TSPAN9: variants seen among roughly 807,000 people sequenced by gnomAD.
TSPAN9 encodes tetraspanin-9.
Under a neutral mutation model 31.0 loss-of-function variants are expected in TSPAN9, and 16 were observed. That is an observed-to-expected ratio of 0.52 (90% confidence interval 0.35 to 0.78). The LOEUF (loss-of-function observed/expected upper bound fraction) is 0.78, where lower values mean the gene tolerates loss of function less well. TSPAN9 is among the 30% of genes least tolerant of loss of function. The pLI, the probability that TSPAN9 is intolerant of heterozygous loss-of-function variation, is 0.01. For missense variants in TSPAN9, 272 were observed against 312.5 expected, an observed-to-expected ratio of 0.87 and a Z score of 0.98; for synonymous variants, 145 against 121.6, an observed-to-expected ratio of 1.19 and a Z score of -1.27.
chr12:3,233,503 A>G (rs958234499), intron 3 of TSPAN9, among the ~76,000 whole-genome samples: 2 of 152,190 alleles, frequency 1.3e-5, no homozygotes, highest in Non-Finnish European at 2.9e-5. Context: ...CTATAGTTGC[A>G]TGTGCTTCTG....
At chr12:3,219,270 A>G (rs2098383028) in intron 3 of TSPAN9, among the ~76,000 whole-genome samples, 1 of 152,224 alleles carries the variant, frequency 6.6e-6, no homozygotes, top group South Asian at 2.1e-4. Context: ...TGACAGTGAC[A>G]TGCAACCTGC....
At chr12:3,159,430 C>T (rs918407853) in intron 2 of TSPAN9, among the ~76,000 whole-genome samples, 11 of 152,278 alleles carry the variant, frequency 7.2e-5, no homozygotes, top group African/African-American at 1.9e-4. Flanking sequence ...TTGTTACAGG[C>T]TCAATTTTGC....
chr12:3,158,632 G>T (rs2098343518), intron 2 of TSPAN9, among the ~76,000 whole-genome samples: 1 of 140,272 alleles, frequency 7.1e-6, no homozygotes, highest in Admixed American at 7.9e-5. Context: ...TGAAGCAGGA[G>T]AATTGCTTGA....
Position 3,172,491 on chromosome 12 carries a change from C to T in TSPAN9, c.-17-28686C>T, listed in dbSNP as rs999240257. The T allele has an allele frequency of 1.3e-5, 2 of 152,232 alleles. No individual in the cohort carries two copies. Among genetic ancestry groups the T allele is most frequent in the Non-Finnish European group, 2.9e-5 (2 of 68,052 alleles). 9.4% of individuals were successfully genotyped at this position (152,232 alleles called of 1,614,324 possible). A position where few individuals can be genotyped will look rare whatever the true frequency, so the allele number is the denominator to read the frequency against. On this transcript the variant is annotated intron_variant, in intron 2 of 8. Transcript: ENST00000011898. The surrounding 1 kb of genome is among the most constrained non-coding windows in gnomAD (Gnocchi z 4.8). ...CGCGAGCGGGTGCTCGTGTCACTCACCGGGGGAACTTAAACGCCGCTTGCT... is the reference window on the plus strand; with the variant it reads ...CGCGAGCGGGTGCTCGTGTCACTCATCGGGGGAACTTAAACGCCGCTTGCT...
chr12:3,170,820 T>A lies in TSPAN9; in HGVS notation c.-17-30357T>A, dbSNP rs55724351. 0.12 allele frequency among the ~76,000 whole-genome samples: 17,989 copies of A among 152,172 alleles called. 1,174 individuals carry two copies. The highest frequency in any genetic ancestry group is 0.16 in the African/African-American group (6,694 of 41,492). ...CTTCGAGGTCCACCATCACCTCGTTTTCTGCCGGGCAGGGACTCCTGGGTT... is the reference window on the plus strand; with the variant it reads ...CTTCGAGGTCCACCATCACCTCGTTATCTGCCGGGCAGGGACTCCTGGGTT... On this transcript the variant is annotated intron_variant, in intron 2 of 8. Transcript: ENST00000011898. The surrounding 1 kb of genome is among the most constrained non-coding windows in gnomAD (Gnocchi z 4.4).
intron 3 of TSPAN9, among the ~76,000 whole-genome samples, chr12:3,253,351 T>G (rs148451734): frequency 6.6e-6 from 1 of 152,136 alleles, no homozygotes; most frequent in Non-Finnish European, 1.5e-5. Flanking sequence ...TGGAGCCTGG[T>G]GCTTAAGATT....
chr12:3,264,379 A>G (rs1862505335), intron 3 of TSPAN9, among the ~76,000 whole-genome samples: 1 of 152,186 alleles, frequency 6.6e-6, no homozygotes, highest in Non-Finnish European at 1.5e-5. Context: ...GCTTATCTTA[A>G]TTTATTGATG....
intron 2 of TSPAN9, 182 bp from the exon 3 acceptor site, chr12:3,200,995 C>T: frequency 6.7e-6 from 4 of 594,214 alleles, no homozygotes; most frequent in South Asian, 2.0e-5. Flanking sequence ...CGGACTTTGC[C>T]AAGCCGTCCA....
intron 3 of TSPAN9, among the ~76,000 whole-genome samples, chr12:3,227,013 A>C (rs1180615647): frequency 1.3e-5 from 2 of 150,628 alleles, no homozygotes; most frequent in Non-Finnish European, 3.0e-5. Context: ...TACTGAGTGC[A>C]GAGAGGGAGA....
At chr12:3,125,685 C>T (rs1173409792) in intron 2 of TSPAN9, among the ~76,000 whole-genome samples, 1 of 151,862 alleles carries the variant, frequency 6.6e-6, no homozygotes, top group Non-Finnish European at 1.5e-5. Flanking sequence ...GCGACTCCTG[C>T]CTTAAATGGC....
In TSPAN9 at chr12:3,285,529, G is replaced by C. The variant is rs1862998676; in HGVS notation, c.*2413G>C. The stretch of plus-strand genomic sequence containing the variant: ...TACTCACTCTGCGCTTGGCCGTTTT[G>C]TTATTTGGCTTAGTCTACATTGGGC... On this transcript the variant is annotated 3_prime_UTR_variant, in exon 9 of 9. Transcript: ENST00000011898. 6.6e-6 allele frequency: 1 copy of C among 152,198 alleles called. No homozygotes were observed. 9.4% of individuals were successfully genotyped at this position (152,198 alleles called of 1,614,324 possible).
At chr12:3,149,563 A>G (rs2098338873) in intron 2 of TSPAN9, among the ~76,000 whole-genome samples, 1 of 152,212 alleles carries the variant, frequency 6.6e-6, no homozygotes, top group African/African-American at 2.4e-5. Flanking sequence ...TCTCAGTCCA[A>G]CAGACAACAG....
rs2098364853 is a variant in TSPAN9 at position 3,192,365 on chromosome 12, C to T, written c.-17-8812C>T. On this transcript the variant is annotated intron_variant, in intron 2 of 8. Coordinates refer to ENST00000011898, the MANE Select transcript of TSPAN9 (RefSeq NM_006675.5). The surrounding 1 kb of genome is among the most constrained non-coding windows in gnomAD (Gnocchi z 4.6). ...GAAGGCTGCAGGGGCTGCCGCAGGA[C>T]CCCAGGCGAGCCATGAAGCAGGGCT... Among the ~76,000 whole-genome samples the T allele has an allele frequency of 6.6e-6, 1 of 152,018 alleles. No homozygotes were observed. The highest frequency in any genetic ancestry group is 6.5e-5 in the Admixed American group (1 of 15,268).
intron 4 of TSPAN9, 80 bp downstream of exon 4, chr12:3,278,692 A>C: frequency 6.5e-7 from 1 of 1,541,958 alleles, no homozygotes; most frequent in Non-Finnish European, 8.8e-7. Flanking sequence ...AAGACCTGGA[A>C]TATTAGCCAC....
In TSPAN9 at chr12:3,214,599, T is replaced by C. The variant is rs548559396; in HGVS notation, c.63+13343T>C. Among the ~76,000 whole-genome samples, 20 of 152,106 alleles carry C rather than the reference T, an allele frequency of 1.3e-4. No homozygotes were observed. In the East Asian group the frequency reaches 3.3e-3, roughly 25 times the overall value. On this transcript the variant is annotated intron_variant, in intron 3 of 8. Transcript: ENST00000011898. ...TTTCCCACTTCAGGGTAGCAAGAAATGGAAGTCGTTTCTGGGCCTGGGCAG... is the reference window on the plus strand; with the variant it reads ...TTTCCCACTTCAGGGTAGCAAGAAACGGAAGTCGTTTCTGGGCCTGGGCAG...
rs1361074800 is a variant in TSPAN9 at position 3,278,505 on chromosome 12, T to C, written c.148T>C (p.Ser50Pro). The C allele has an allele frequency of 6.2e-7, 1 of 1,614,230 alleles. No individual in the cohort carries two copies. The highest frequency in any genetic ancestry group is 2.2e-5 in the East Asian group (1 of 44,884). Residue 50 changes from serine (S) to proline (P), a missense_variant, in exon 4 of 9, where the codon TCG becomes CCG. Physicochemically the swap from Ser to Pro is moderately conservative, Grantham distance 74. Transcript: ENST00000011898. ...TGCCACCTTCTCCCCCAGCTTCCCT[T>C]CGTTGTCTGCAGCCAACCTGGTCAT... ...NFATFSPSFP[S>P]LSAANLVIAI...
At chr12:3,210,976 G>A (rs1323626845) in intron 3 of TSPAN9, among the ~76,000 whole-genome samples, 1 of 151,990 alleles carries the variant, frequency 6.6e-6, no homozygotes, top group Admixed American at 6.6e-5. Flanking sequence ...AACCTCCTGG[G>A]CTCAAGCAAT....
intron 2 of TSPAN9, among the ~76,000 whole-genome samples, chr12:3,184,452 A>G (rs924495235): frequency 6.6e-5 from 10 of 152,042 alleles, no homozygotes; most frequent in African/African-American, 2.4e-4. Flanking sequence ...AGAGAGAAAG[A>G]GAAAGAGAAA....
At chr12:3,082,862 C>T (rs1017416750) in intron 1 of TSPAN9, among the ~76,000 whole-genome samples, 1 of 152,172 alleles carries the variant, frequency 6.6e-6, no homozygotes, top group Non-Finnish European at 1.5e-5. Context: ...TTCTAATTCC[C>T]TCTGATGTTC....
Sources: allele counts gnomAD v4.1 joint callset (sites outside exome capture counted in the v4.1 genomes callset), GRCh38; gene constraint gnomAD v4.1.1; non-coding constraint Gnocchi (gnomAD v3.1); transcripts MANE v1.5; gene names NCBI Gene and HGNC (gene_info 2026-07-23, HGNC 2026-07-21).